The following PRKCB variants were observed in gnomAD, a reference collection of about 807,000 sequenced individuals.
The protein encoded by PRKCB is protein kinase C beta.
Under a neutral mutation model 81.5 loss-of-function variants are expected in PRKCB, and 13 were observed. That is an observed-to-expected ratio of 0.16 (90% CI 0.10 to 0.25). The LOEUF is 0.25. Ranked by LOEUF, PRKCB falls within the 10% of genes least tolerant of loss-of-function variation. The pLI is 1.00. For missense variants in PRKCB, 509 were observed against 875.7 expected (o/e 0.58, Z 5.29); for synonymous variants, 335 against 321.4 (o/e 1.04, Z -0.45).
chr16:24,166,316 A>G (rs937254208), intron 10 of PRKCB, among the ~76,000 whole-genome samples: 17 of 152,232 alleles, frequency 1.1e-4, no homozygotes, highest in Non-Finnish European at 2.4e-4. Flanking sequence ...AAATAAGTCA[A>G]TTTTAGTAGA....
chr16:23,909,141 C>T (rs866991475), intron 2 of PRKCB, among the ~76,000 whole-genome samples: 9 of 152,206 alleles, frequency 5.9e-5, no homozygotes, highest in South Asian at 2.1e-4. Context: ...GTTCATGATT[C>T]GCTTCCTTGT....
chr16:24,046,531 T>A (rs1020758319), intron 5 of PRKCB, among the ~76,000 whole-genome samples: 2 of 152,178 alleles, frequency 1.3e-5, no homozygotes, highest in African/African-American at 4.8e-5. Context: ...GGCATTTAGT[T>A]GAGACCTCAG....
Position 24,218,431 on chromosome 16 carries a change from G to C in PRKCB, c.*3615G>C. 1.0e-6 allele frequency: 1 copy of C among 985,356 alleles called. No homozygotes were observed. The highest frequency in any genetic ancestry group is 1.2e-6 in the Non-Finnish European group (1 of 829,972). 61.0% of individuals were successfully genotyped at this position (985,356 alleles called of 1,614,324 possible). On this transcript the variant is annotated 3_prime_UTR_variant, in exon 17 of 17. Transcript: ENST00000643927. Reference sequence around the variant, plus strand: ...CATGGTAGAGATGGACCCTACCCAGGAAACAGCTCCATCAGCATCTTAGCC... The same window carrying C: ...CATGGTAGAGATGGACCCTACCCAGCAAACAGCTCCATCAGCATCTTAGCC...
rs1397769597 is a variant in PRKCB at position 24,218,217 on chromosome 16, A to T, written c.*3401A>T. 1.0e-6 allele frequency: 1 copy of T among 985,310 alleles called. No individual in the cohort carries two copies. The highest frequency in any genetic ancestry group is 1.2e-6 in the Non-Finnish European group (1 of 829,932). The allele number at this position is 985,310 out of a possible 1,614,324, so 61.0% of individuals were successfully genotyped here. The stretch of plus-strand genomic sequence containing the variant: ...TCTGAAAGCAATAAGTGCAATCAAG[A>T]TAATTAAAGGATGCTAAAGTGTGAC... On this transcript the variant is annotated 3_prime_UTR_variant, in exon 17 of 17. Coordinates refer to ENST00000643927, the MANE Select transcript of PRKCB (RefSeq NM_002738.7).
intron 12 of PRKCB, among the ~76,000 whole-genome samples, chr16:24,177,679 C>A (rs1417490737): frequency 1.3e-5 from 2 of 152,104 alleles, no homozygotes; most frequent in African/African-American, 4.8e-5. Context: ...AGAAGAGGGT[C>A]TTAATAGCAA....
chr16:23,848,966 G>A (rs1032861630), intron 2 of PRKCB, among the ~76,000 whole-genome samples: 4 of 152,160 alleles, frequency 2.6e-5, no homozygotes, highest in Admixed American at 6.5e-5. Context: ...TCAAGGAGAC[G>A]ACGCAAGAAT....
At chr16:23,981,657 CTTTTTTCCCTTTCT>C (rs1964707076) in intron 2 of PRKCB, among the ~76,000 whole-genome samples, 2 of 123,268 alleles carry the variant, frequency 1.6e-5, no homozygotes, top group African/African-American at 6.3e-5. Context: ...CCTTCCCTTC[CTTTTTTCCCTTTCT>C]CTTCCCCTTC....
chr16:24,165,009 T>C (rs1054187302), intron 10 of PRKCB, among the ~76,000 whole-genome samples: 1 of 152,152 alleles, frequency 6.6e-6, no homozygotes, highest in Non-Finnish European at 1.5e-5. Flanking sequence ...ATGCCTCTCA[T>C]GCACTTTCTT....
intron 2 of PRKCB, among the ~76,000 whole-genome samples, chr16:23,873,331 C>A (rs1962943027): frequency 6.6e-6 from 1 of 150,536 alleles, no homozygotes; most frequent in South Asian, 2.1e-4. Context: ...CGAAATCGTG[C>A]CATTGCACTC....
intron 15 of PRKCB, among the ~76,000 whole-genome samples, chr16:24,186,939 G>A (rs1258461383): frequency 1.3e-5 from 2 of 152,136 alleles, no homozygotes; most frequent in Non-Finnish European, 2.9e-5. Context: ...GTGTGAGGCA[G>A]GGAGAAAGAA....
chr16:24,181,020 A>G, intron 13 of PRKCB, 92 bp downstream of exon 13: 2 of 1,486,856 alleles, frequency 1.3e-6, no homozygotes, highest in Non-Finnish European at 9.1e-7. Flanking sequence ...TGAGGGTGGT[A>G]CCTTGCAAGG....
chr16:24,111,891 T>G (rs1966680564), intron 7 of PRKCB, among the ~76,000 whole-genome samples: 1 of 152,218 alleles, frequency 6.6e-6, no homozygotes, highest in South Asian at 2.1e-4. Context: ...GTGCTTATCA[T>G]TTTACATGCG....
chr16:23,895,367 A>T (rs1485736597), intron 2 of PRKCB, among the ~76,000 whole-genome samples: 2 of 151,828 alleles, frequency 1.3e-5, no homozygotes, highest in Non-Finnish European at 2.9e-5. Context: ...CTTCAGTTCA[A>T]CTTTTTTCTG....
At position 24,071,436 on chromosome 16, in the gene PRKCB, T is replaced by TAAAAAAAAAAAAA. The variant is rs398042091; in HGVS notation, c.530-21341_530-21329dup. Among the ~76,000 whole-genome samples, 6 of 57,296 alleles carry TAAAAAAAAAAAAA rather than the reference T, an allele frequency of 1.0e-4. 1 individual carries two copies. Among genetic ancestry groups the TAAAAAAAAAAAAA allele is most frequent in the African/African-American group, 3.4e-4 (6 of 17,410 alleles). The allele number at this position is 57,296 out of a possible 152,430, so 37.6% of individuals were successfully genotyped here. On this transcript the variant is annotated intron_variant, in intron 5 of 16. Coordinates refer to ENST00000643927, the MANE Select transcript of PRKCB (RefSeq NM_002738.7). ...CTGGGTAACATGGTGAGACCCTGTC[T>TAAAAAAAAAAAAA]AAAAAAAAAAAAAAAAAAAAAAAAA...
chr16:24,124,453 G>T (rs1417919098), intron 9 of PRKCB, among the ~76,000 whole-genome samples: 1 of 152,176 alleles, frequency 6.6e-6, no homozygotes, highest in Non-Finnish European at 1.5e-5. Flanking sequence ...TCACAGTGCA[G>T]CGGGGAGCCA....
chr16:23,936,412 A>G (rs1160092156), intron 2 of PRKCB, among the ~76,000 whole-genome samples: 1 of 151,906 alleles, frequency 6.6e-6, no homozygotes, highest in Non-Finnish European at 1.5e-5. Context: ...TTTAAAATAG[A>G]TGTAGAGTAT....
intron 2 of PRKCB, among the ~76,000 whole-genome samples, chr16:23,964,058 C>A (rs986045797): frequency 6.6e-6 from 1 of 152,188 alleles, no homozygotes; most frequent in Non-Finnish European, 1.5e-5. Context: ...GCATCTATAA[C>A]CCCACGGTCC....
chr16:24,099,478 G>GTTAGA (rs1357459241), intron 7 of PRKCB: 3 of 152,222 alleles, frequency 2.0e-5, no homozygotes, highest in African/African-American at 7.2e-5. Context: ...TCCTGAGGTG[G>GTTAGA]TTAGATTACA....
At chr16:23,917,555 T>C (rs1963760184) in intron 2 of PRKCB, among the ~76,000 whole-genome samples, 1 of 152,346 alleles carries the variant, frequency 6.6e-6, no homozygotes, top group South Asian at 2.1e-4. Flanking sequence ...TAGGAGGGAC[T>C]GCAGCTCTCG....
Sources: allele counts gnomAD v4.1 joint callset (sites outside exome capture counted in the v4.1 genomes callset), GRCh38; gene constraint gnomAD v4.1.1; transcripts MANE v1.5; gene names NCBI Gene and HGNC (gene_info 2026-07-23, HGNC 2026-07-21).